The following AXIN1 variants were observed in gnomAD, a reference collection of about 807,000 sequenced individuals.
AXIN1 encodes axin-1.
Under a neutral mutation model 76.4 loss-of-function variants are expected in AXIN1, and 30 were observed. The ratio of observed to expected loss-of-function variants is 0.39; its 90% confidence interval spans 0.29 to 0.53. The LOEUF is 0.53. Among genes scored for constraint, AXIN1 ranks in the 20% least tolerant of loss-of-function variants. The pLI is 0.66. For missense variants in AXIN1, 1,140 were observed against 1,198.8 expected (o/e 0.95, Z 0.72); for synonymous variants, 545 against 501.4 (o/e 1.09, Z -1.16).
chr16:342,774 C>A (rs958720347), intron 2 of AXIN1, among the ~76,000 whole-genome samples: 1 of 152,244 alleles, frequency 6.6e-6, no homozygotes, highest in African/African-American at 2.4e-5. Context: ...ACTGCAGCAG[C>A]CACCTCCAAC....
Position 346,186 on chromosome 16 carries a change from G to GT in AXIN1, c.839_840insA (p.Ser281LeufsTer4). 6.2e-7 allele frequency: 1 copy of GT among 1,613,948 alleles called. No homozygotes were observed. Among genetic ancestry groups the GT allele is most frequent in the South Asian group, 1.1e-5 (1 of 91,088 alleles). The stretch of plus-strand genomic sequence containing the variant: ...CTTCGCTGTACCGTCTACTGGAGGA[G>GT]ACCCTCGGGGCAGCTGTCTCCAGGA... On this transcript the variant is annotated frameshift_variant, in exon 2 of 11. Coordinates refer to ENST00000262320, the MANE Select transcript of AXIN1 (RefSeq NM_003502.4). LOFTEE classifies it high-confidence loss of function.
chr16:338,223 G>A (rs1009433456), intron 2 of AXIN1, among the ~76,000 whole-genome samples: 1 of 152,244 alleles, frequency 6.6e-6, no homozygotes, highest in Non-Finnish European at 1.5e-5. Context: ...TCAAATCTGT[G>A]ACACTGGCGC....
rs370543714 is a variant in AXIN1 at position 291,334 on chromosome 16, C to T, written c.2187-37G>A. On this transcript the variant is annotated intron_variant, in intron 8 of 10. Coordinates refer to ENST00000262320, the MANE Select transcript of AXIN1 (RefSeq NM_003502.4). ...CCCGCGTCAAAGGTGGCTGTGCCGG[C>T]GGCCACCAGCCCTGGGGAGGGAGCC... 6.9e-4 allele frequency: 1,047 copies of T among 1,525,564 alleles called. 3 individuals are homozygous for T. The highest frequency in any genetic ancestry group is 8.6e-4 in the Non-Finnish European group (967 of 1,126,686). The allele number at this position is 1,525,564 out of a possible 1,614,324, so 94.5% of individuals were successfully genotyped here. A position where few individuals can be genotyped will look rare whatever the true frequency, so the allele number is the denominator to read the frequency against.
intron 4 of AXIN1, among the ~76,000 whole-genome samples, chr16:308,180 T>C (rs1477209605): frequency 6.6e-6 from 1 of 152,222 alleles, no homozygotes; most frequent in East Asian, 1.9e-4. Flanking sequence ...TTCATCTTCC[T>C]GGCGACTCAA....
chr16:301,489 C>T (rs978664876), intron 5 of AXIN1, among the ~76,000 whole-genome samples: 1 of 152,014 alleles, frequency 6.6e-6, no homozygotes, highest in African/African-American at 2.4e-5. Context: ...CTACGCCTGC[C>T]TTTAACATGT....
intron 2 of AXIN1, among the ~76,000 whole-genome samples, chr16:323,467 C>G (rs1357969339): frequency 6.9e-6 from 1 of 145,308 alleles, no homozygotes; most frequent in Non-Finnish European, 1.5e-5. Flanking sequence ...AGAAAAAAAG[C>G]CAAAATAAGA....
rs1039247400 is a variant in AXIN1, at chr16:311,587, C to T, written c.1020-1518G>A. On this transcript the variant is annotated intron_variant, in intron 3 of 10. Coordinates refer to ENST00000262320, the MANE Select transcript of AXIN1 (RefSeq NM_003502.4). ...GAGATCGAGACCATCCTGGCTAACA[C>T]GGTGAAACCCCGTCTCTACTAAAAA... Among the ~76,000 whole-genome samples the T allele has an allele frequency of 2.4e-4, 37 of 151,524 alleles. No individual in the cohort carries two copies. In the South Asian group the frequency reaches 4.2e-3, roughly 17 times the overall value.
chr16:328,730 G>A (rs562568599), intron 2 of AXIN1, among the ~76,000 whole-genome samples: 88 of 152,180 alleles, frequency 5.8e-4, no homozygotes, highest in Middle Eastern at 3.4e-3. Context: ...TACTTAACAA[G>A]AACAGCATAT....
At position 304,195 on chromosome 16, in the gene AXIN1, C is replaced by G. The variant is rs990318101; in HGVS notation, c.1254+109G>C. ...TCAGCCGGGAGGCCTCATGGGTCAGCAGGCCTCGGCCAGCCCCGGGCATCC... is the reference window on the plus strand; with the variant it reads ...TCAGCCGGGAGGCCTCATGGGTCAGGAGGCCTCGGCCAGCCCCGGGCATCC... On this transcript the variant is annotated intron_variant, in intron 5 of 10. Transcript: ENST00000262320. The G allele has an allele frequency of 1.6e-5, 25 of 1,569,150 alleles. No individual in the cohort carries two copies. The African/African-American group carries it at 3.2e-4, about 20-fold the overall frequency.
Position 304,286 on chromosome 16 carries a change from C to T in AXIN1, c.1254+18G>A, listed in dbSNP as rs761657893. 9.3e-6 allele frequency: 15 copies of T among 1,610,004 alleles called. No individual in the cohort carries two copies. The South Asian group carries it at 1.3e-4, about 14-fold the overall frequency. On this transcript the variant is annotated intron_variant, in intron 5 of 10. Coordinates refer to ENST00000262320, the MANE Select transcript of AXIN1 (RefSeq NM_003502.4). ...CACGACACCGACGCGGAGCGCGACA[C>T]CGACGCGGCCCACTCACCATGCGCA...
Position 341,568 on chromosome 16 carries a change from G to A in AXIN1, c.878+4580C>T, listed in dbSNP as rs1168776049. On this transcript the variant is annotated intron_variant, in intron 2 of 10. Coordinates refer to ENST00000262320, the MANE Select transcript of AXIN1 (RefSeq NM_003502.4). ...CCACCCCCTCCGTGGGCTCCTGTGC[G>A]GACCGAGTCTCCCCGACGAGCGCCC... 3.3e-5 allele frequency among the ~76,000 whole-genome samples: 5 copies of A among 152,230 alleles called. No homozygotes were observed. In the East Asian group the frequency reaches 5.8e-4, roughly 18 times the overall value.
chr16:297,389 T>C (rs2052742438), intron 6 of AXIN1, among the ~76,000 whole-genome samples, 163 bp from the exon 7 acceptor site: 1 of 149,592 alleles, frequency 6.7e-6, no homozygotes, highest in African/African-American at 2.5e-5. Context: ...CCCCGCCAGC[T>C]TGTCCCCCAC....
At chr16:337,292 G>A (rs1373635758) in intron 2 of AXIN1, among the ~76,000 whole-genome samples, 1 of 151,054 alleles carries the variant, frequency 6.6e-6, no homozygotes, top group Non-Finnish European at 1.5e-5. Context: ...GCTGTTATAG[G>A]AATTTGGAAA....
intron 4 of AXIN1, 83 bp from the exon 5 acceptor site, chr16:304,524 A>T (rs1298946822): frequency 6.3e-7 from 1 of 1,587,594 alleles, no homozygotes; most frequent in Non-Finnish European, 8.6e-7. Context: ...AGCGTGTGCT[A>T]TCTCTGTTGT....
intron 1 of AXIN1, 64 bp downstream of exon 1, chr16:352,305 C>T (rs2054162835): frequency 1.1e-6 from 1 of 936,616 alleles, no homozygotes; most frequent in Non-Finnish European, 1.3e-6. Flanking sequence ...CCCCCCGCCG[C>T]TTCCGGGTCC....
intron 2 of AXIN1, among the ~76,000 whole-genome samples, chr16:323,540 G>C (rs1293232941): frequency 6.6e-6 from 1 of 152,000 alleles, no homozygotes; most frequent in African/African-American, 2.4e-5. Context: ...CCAGCACTTT[G>C]GGAGGCCGAG....
At chr16:291,549 A>G (rs2052562110) in intron 8 of AXIN1, 1 of 562,306 alleles carries the variant, frequency 1.8e-6, no homozygotes, top group Non-Finnish European at 3.2e-6. Flanking sequence ...CCTGGACCGC[A>G]CTTTGGGGAG....
intron 4 of AXIN1, among the ~76,000 whole-genome samples, chr16:307,022 C>T (rs2053045422): frequency 6.6e-6 from 1 of 152,254 alleles, no homozygotes; most frequent in Non-Finnish European, 1.5e-5. Flanking sequence ...CTTTTCCGTG[C>T]CCAGTGCTGG....
chr16:300,061 T>C (rs2052829852), intron 5 of AXIN1, among the ~76,000 whole-genome samples: 1 of 152,084 alleles, frequency 6.6e-6, no homozygotes, highest in South Asian at 2.1e-4. Context: ...TGCCTCAGCC[T>C]CCCGGGTAGC....
Sources: allele counts gnomAD v4.1 joint callset (sites outside exome capture counted in the v4.1 genomes callset), GRCh38; gene constraint gnomAD v4.1.1; transcripts MANE v1.5; gene names NCBI Gene and HGNC (gene_info 2026-07-23, HGNC 2026-07-21).